MTMR14: variants seen among roughly 807,000 people sequenced by gnomAD.
MTMR14 encodes the protein myotubularin related protein 14.
A neutral mutation model predicts 86.3 loss-of-function variants in MTMR14; 48 were observed. The ratio of observed to expected loss-of-function variants is 0.56; its 90% CI spans 0.44 to 0.71. The LOEUF is 0.71. MTMR14 is among the 30% of genes least tolerant of loss of function. MTMR14 has a pLI of 0.00. For missense variants in MTMR14, 780 were observed against 834.6 expected (o/e 0.93, Z 0.81); for synonymous variants, 366 against 326.1 (o/e 1.12, Z -1.32).
chr3:9,688,933 G>A lies in MTMR14; in HGVS notation c.1295-11G>A. 6.2e-7 allele frequency: 1 copy of A among 1,613,994 alleles called. No individual in the cohort carries two copies. The highest frequency in any genetic ancestry group is 8.5e-7 in the Non-Finnish European group (1 of 1,180,030). Reference sequence around the variant, plus strand: ...GGTAACACGCTGACTGATGGCACTGGCTTCTTTTAGGACGAAAGGACCGTG... The same window carrying A: ...GGTAACACGCTGACTGATGGCACTGACTTCTTTTAGGACGAAAGGACCGTG... On this transcript the variant is annotated splice_polypyrimidine_tract_variant and intron_variant, in intron 15 of 18. Coordinates refer to ENST00000296003, the MANE Select transcript of MTMR14 (RefSeq NM_001077525.3).
chr3:9,649,848 C>T, intron 1 of MTMR14, 106 bp downstream of exon 1: 1 of 1,556,670 alleles, frequency 6.4e-7, no homozygotes, highest in Non-Finnish European at 8.7e-7. Context: ...TACCTCGCCG[C>T]TGAGGAAGAG....
chr3:9,700,287 G>A (rs1575101925), intron 18 of MTMR14: 1 of 152,238 alleles, frequency 6.6e-6, no homozygotes, highest in Admixed American at 6.5e-5. Context: ...AGCAAGATTA[G>A]TAGGCATGGA....
intron 13 of MTMR14, among the ~76,000 whole-genome samples, chr3:9,685,674 C>T (rs2075920290): frequency 6.6e-6 from 1 of 152,140 alleles, no homozygotes; most frequent in South Asian, 2.1e-4. Context: ...GTCAGGGTGC[C>T]CGGCAGCAGG....
At position 9,654,453 on chromosome 3, in the gene MTMR14, A is replaced by G. The variant is rs78085918; in HGVS notation, c.308+684A>G. ...TACCTTATGTGGGTTAACAGTTTAT[A>G]CCAGAGCAGACACAGAATGCTTGGT... On this transcript the variant is annotated intron_variant, in intron 2 of 18. Transcript: ENST00000296003. Among the ~76,000 whole-genome samples, 525 of 152,332 alleles carry G rather than the reference A, an allele frequency of 3.4e-3. 8 individuals are homozygous for G. The highest frequency in any genetic ancestry group is 0.012 in the African/African-American group (502 of 41,574).
intron 13 of MTMR14, among the ~76,000 whole-genome samples, chr3:9,685,463 A>G (rs1453368893): frequency 2.6e-5 from 4 of 152,138 alleles, no homozygotes; most frequent in African/African-American, 9.7e-5. Context: ...TGGAGAGGAT[A>G]CAAGCCCACA....
At chr3:9,680,641 C>T (rs528154763) in intron 9 of MTMR14, among the ~76,000 whole-genome samples, 1 of 152,258 alleles carries the variant, frequency 6.6e-6, no homozygotes, top group East Asian at 1.9e-4. Context: ...GGCAGGAGAT[C>T]GAGACCATCG....
At chr3:9,660,713 A>T (rs1052921423) in intron 2 of MTMR14, among the ~76,000 whole-genome samples, 1 of 152,222 alleles carries the variant, frequency 6.6e-6, no homozygotes, top group East Asian at 1.9e-4. Context: ...CATGTGTACA[A>T]GAGGAGCTGT....
At position 9,702,373 on chromosome 3, in the gene MTMR14, C is replaced by A; in HGVS notation, c.*400C>A. On this transcript the variant is annotated 3_prime_UTR_variant, in exon 19 of 19. Coordinates refer to ENST00000296003, the MANE Select transcript of MTMR14 (RefSeq NM_001077525.3). ...TTTGACACAGATCACAAAATAAAAT[C>A]AAAGTCTTTTTGAATAGCCACTCTT... is the stretch of plus-strand genomic sequence containing the variant. The A allele has an allele frequency of 3.4e-6, 1 of 290,682 alleles. No individual in the cohort carries two copies. Among genetic ancestry groups the A allele is most frequent in the Non-Finnish European group, 6.7e-6 (1 of 148,242 alleles). 18.0% of individuals were successfully genotyped at this position (290,682 alleles called of 1,614,324 possible). A position where few individuals can be genotyped will look rare whatever the true frequency, so the allele number is the denominator to read the frequency against.
At chr3:9,674,874 G>T (rs1199253365) in intron 7 of MTMR14, among the ~76,000 whole-genome samples, 1 of 152,230 alleles carries the variant, frequency 6.6e-6, no homozygotes, top group Non-Finnish European at 1.5e-5. Context: ...CACTTTGGGA[G>T]GCTGAGGCAG....
chr3:9,659,491 T>A (rs2047796446), intron 2 of MTMR14: 1 of 250,706 alleles, frequency 4.0e-6, no homozygotes, highest in African/African-American at 2.3e-5. Flanking sequence ...TTGCCCAGGC[T>A]GGAGTGCAGT....
At chr3:9,651,858 G>A (rs1363194552) in intron 1 of MTMR14, among the ~76,000 whole-genome samples, 1 of 148,884 alleles carries the variant, frequency 6.7e-6, no homozygotes, top group Non-Finnish European at 1.5e-5. Flanking sequence ...TTGAGATGGC[G>A]TCTCACTCTG....
intron 9 of MTMR14, among the ~76,000 whole-genome samples, chr3:9,680,912 A>G (rs1475029651): frequency 6.6e-6 from 1 of 152,168 alleles, no homozygotes; most frequent in Non-Finnish European, 1.5e-5. Flanking sequence ...TCTGCCAGAA[A>G]CACGTGTCTC....
chr3:9,698,685 G>C (rs1169529430), intron 18 of MTMR14, among the ~76,000 whole-genome samples: 1 of 152,172 alleles, frequency 6.6e-6, no homozygotes, highest in Non-Finnish European at 1.5e-5. Flanking sequence ...GAAGGGAAAG[G>C]GGGCCCTGGA....
chr3:9,697,652 G>T (rs2125403691), intron 17 of MTMR14, 59 bp from the exon 18 acceptor site: 1 of 1,585,872 alleles, frequency 6.3e-7, no homozygotes. Context: ...CCCCTCCAGA[G>T]CCTGTGTCAG....
At chr3:9,689,881 C>G in intron 16 of MTMR14, 83 bp from the exon 17 acceptor site, 1 of 1,372,164 alleles carries the variant, frequency 7.3e-7, no homozygotes, top group East Asian at 2.5e-5. Flanking sequence ...GAAGTAAAGC[C>G]TAGGCCTGAA....
Position 9,677,966 on chromosome 3 carries a change from G to A in MTMR14, c.823-18G>A. ...CTGGTGGCCAACCCACATCTCACAGGAGTCTTTCTGTCCCCAGGACTACGT... is the reference window on the plus strand; with the variant it reads ...CTGGTGGCCAACCCACATCTCACAGAAGTCTTTCTGTCCCCAGGACTACGT... On this transcript the variant is annotated intron_variant, in intron 8 of 18. Coordinates refer to ENST00000296003, the MANE Select transcript of MTMR14 (RefSeq NM_001077525.3). The surrounding 1 kb of genome is among the most constrained non-coding windows in gnomAD (Gnocchi z 4.2). The A allele has an allele frequency of 6.2e-7, 1 of 1,613,526 alleles. No homozygotes were observed. Among genetic ancestry groups the A allele is most frequent in the Non-Finnish European group, 8.5e-7 (1 of 1,179,658 alleles).
At position 9,649,567 on chromosome 3, in the gene MTMR14, G is replaced by T; in HGVS notation, c.-17G>T. On this transcript the variant is annotated 5_prime_UTR_variant, in exon 1 of 19. Transcript: ENST00000296003. ...TGGGCCCGCTTGAGGCACACTGAGG[G>T]GACGCGGGGCTGGGCCATGGCCGGC... 14 of 1,537,808 alleles carry T rather than the reference G, an allele frequency of 9.1e-6. No homozygotes were observed. The highest frequency in any genetic ancestry group is 1.1e-5 in the Non-Finnish European group (13 of 1,142,416).
At chr3:9,666,603 A>G (rs1335397299) in intron 3 of MTMR14, among the ~76,000 whole-genome samples, 1 of 152,210 alleles carries the variant, frequency 6.6e-6, no homozygotes, top group Admixed American at 6.5e-5. Flanking sequence ...TAATTTTTCA[A>G]AACTCAGTTC....
At chr3:9,689,795 A>T (rs574024313) in intron 16 of MTMR14, among the ~76,000 whole-genome samples, 169 bp from the exon 17 acceptor site, 1 of 152,340 alleles carries the variant, frequency 6.6e-6, no homozygotes, top group South Asian at 2.1e-4. Context: ...CTCCATAAAG[A>T]CCCAGCCCTG....
Sources: gnomAD v4.1 joint callset for allele counts (sites outside exome capture counted in the v4.1 genomes callset) on GRCh38, gnomAD v4.1.1 for gene constraint, Gnocchi (gnomAD v3.1) non-coding constraint, MANE v1.5 for transcripts, NCBI Gene and HGNC (gene_info 2026-07-23, HGNC 2026-07-21) for gene names.